The following RP1 variants were observed in gnomAD, a reference collection of about 807,000 sequenced individuals.
The protein encoded by RP1 is oxygen-regulated protein 1.
Under a neutral mutation model 14.8 loss-of-function variants are expected in RP1, and 16 were observed. That is an observed-to-expected ratio of 1.08 (90% CI 0.73 to 1.65). The LOEUF (loss-of-function observed/expected upper bound fraction) is 1.65. Among genes scored for constraint, RP1 ranks in the 40% most tolerant of loss-of-function variants. The pLI is 0.00. For synonymous variants in RP1, 876 were observed against 883.6 expected, an observed-to-expected ratio of 0.99 and a Z score of 0.15; for missense variants, 2,631 against 2,535.0, an observed-to-expected ratio of 1.04 and a Z score of -0.81.
chr8:54,569,099 A>G lies in RP1; in HGVS notation c.-13+9779A>G, dbSNP rs149826890. Among the ~76,000 whole-genome samples the G allele has an allele frequency of 3.1e-3, 468 of 152,364 alleles. 4 individuals carry two copies. Among genetic ancestry groups the G allele is most frequent in the Middle Eastern group, 0.01 (3 of 294 alleles). ...TAATGCAAAAAAGAGCAGAAGAAAA[A>G]TGCCCAAAGTTACGTTCCCAGGAGA... On this transcript the variant is annotated intron_variant, in intron 1 of 22. Coordinates refer to the RP1 transcript ENST00000636932.
At chr8:54,725,283 A>G (rs1402093179) in intron 16 of RP1, among the ~76,000 whole-genome samples, 4 of 152,072 alleles carry the variant, frequency 2.6e-5, no homozygotes, top group Admixed American at 2.0e-4. Flanking sequence ...AGTTATTTCT[A>G]TCTTCTTTTT....
rs398124220 is a variant in RP1 at position 54,628,901 on chromosome 8, T to G, written c.5019T>G (p.Tyr1673Ter). Residue 1673 changes from tyrosine (Y) to a stop codon, truncating the protein, a stop_gained, in exon 4 of 4, where the codon TAT becomes TAG. Coordinates refer to ENST00000220676, the MANE Select transcript of RP1 (RefSeq NM_006269.2). LOFTEE classifies it low-confidence loss of function (END_TRUNC). ...EFQCSRKASL[Y>*]DSEGQSFGSS... Reference sequence around the variant, plus strand: ...AGTGTTCCAGGAAAGCAAGTCTTTATGATTCTGAAGGGCAGTCATTTGGCT... The same window carrying G: ...AGTGTTCCAGGAAAGCAAGTCTTTAGGATTCTGAAGGGCAGTCATTTGGCT... The G allele has an allele frequency of 6.2e-7, 1 of 1,614,146 alleles. No homozygotes were observed. Among genetic ancestry groups the G allele is most frequent in the Non-Finnish European group, 8.5e-7 (1 of 1,179,982 alleles).
exon 25 of RP1, chr8:54,837,608 A>G: frequency 8.1e-7 from 1 of 1,232,086 alleles, no homozygotes; most frequent in East Asian, 3.2e-5. Context: ...CTGAGAATGA[A>G]AATGATGGCG....
At chr8:54,707,532 T>C (rs559088953) in intron 15 of RP1, among the ~76,000 whole-genome samples, 2 of 152,348 alleles carry the variant, frequency 1.3e-5, no homozygotes, top group East Asian at 3.9e-4. Context: ...CAAGTAAGAT[T>C]GCACATTTAA....
chr8:54,707,503 T>A (rs1395394469), intron 15 of RP1, among the ~76,000 whole-genome samples: 1 of 152,214 alleles, frequency 6.6e-6, no homozygotes, highest in Non-Finnish European at 1.5e-5. Flanking sequence ...TATTCATAAT[T>A]CTTCTGTGGG....
chr8:54,848,333 T>C (rs1393473331), intron 25 of RP1, among the ~76,000 whole-genome samples: 1 of 152,190 alleles, frequency 6.6e-6, no homozygotes, highest in Non-Finnish European at 1.5e-5. Flanking sequence ...ATCCTGTTCT[T>C]CCTGGGGCCT....
chr8:54,657,937 C>G (rs1806792297), intron 6 of RP1, among the ~76,000 whole-genome samples: 1 of 152,188 alleles, frequency 6.6e-6, no homozygotes, highest in South Asian at 2.1e-4. Context: ...AAACATTAAC[C>G]TTACTACCTT....
At chr8:54,713,934 G>A (rs138760013) in intron 15 of RP1, among the ~76,000 whole-genome samples, 1 of 152,162 alleles carries the variant, frequency 6.6e-6, no homozygotes, top group East Asian at 1.9e-4. Flanking sequence ...AAAATCTGAC[G>A]TAGGAAAATT....
intron 17 of RP1, among the ~76,000 whole-genome samples, chr8:54,728,867 T>G (rs958991290): frequency 2.0e-5 from 3 of 152,118 alleles, no homozygotes; most frequent in African/African-American, 7.2e-5. Flanking sequence ...TGAACCCCCA[T>G]GTACCCATCA....
intron 22 of RP1, among the ~76,000 whole-genome samples, chr8:54,759,771 A>G (rs755513583): frequency 6.6e-6 from 1 of 152,124 alleles, no homozygotes; most frequent in Non-Finnish European, 1.5e-5. Flanking sequence ...AATCATGTTT[A>G]TTGTTGCTTG....
intron 12 of RP1, among the ~76,000 whole-genome samples, chr8:54,698,504 A>T (rs1807929617): frequency 1.3e-5 from 2 of 152,206 alleles, no homozygotes; most frequent in Admixed American, 1.3e-4. Context: ...CTAGAACTAG[A>T]AATACCATTT....
chr8:54,634,205 C>A (rs994071051), downstream of RP1, among the ~76,000 whole-genome samples: 5 of 152,118 alleles, frequency 3.3e-5, no homozygotes, highest in Admixed American at 2.6e-4. Context: ...AAAGCAAAAT[C>A]ATGAATTCCA....
intron 7 of RP1, among the ~76,000 whole-genome samples, chr8:54,669,792 C>G (rs1312910881): frequency 6.6e-6 from 1 of 151,968 alleles, no homozygotes; most frequent in Non-Finnish European, 1.5e-5. Context: ...AAACCAAACA[C>G]CGCATGTTCT....
At chr8:54,649,015 G>T (rs1806603839) in exon 4 of RP1, 3 of 1,521,814 alleles carry the variant, frequency 2.0e-6, no homozygotes, top group African/African-American at 1.4e-5. Flanking sequence ...ATAATCACCA[G>T]TGACTTGCCA....
intron 1 of RP1, among the ~76,000 whole-genome samples, chr8:54,565,098 A>G (rs1477900782): frequency 1.3e-5 from 2 of 152,168 alleles, no homozygotes; most frequent in East Asian, 3.9e-4. Flanking sequence ...AGGTGTGAAC[A>G]GACAGGAGTG....
intron 18 of RP1, among the ~76,000 whole-genome samples, chr8:54,735,039 C>T (rs542094763): frequency 1.4e-4 from 21 of 152,064 alleles, no homozygotes; most frequent in South Asian, 2.1e-4. Flanking sequence ...AATTTATAAC[C>T]GGCTTATAAG....
At chr8:54,753,832 G>A (rs1453942644) in intron 19 of RP1, among the ~76,000 whole-genome samples, 1 of 152,170 alleles carries the variant, frequency 6.6e-6, no homozygotes, top group African/African-American at 2.4e-5. Flanking sequence ...AAGAGAGCAG[G>A]AACAGCAGAC....
chr8:54,698,904 G>A (rs1203547858), intron 12 of RP1, among the ~76,000 whole-genome samples: 2 of 152,102 alleles, frequency 1.3e-5, no homozygotes, highest in Non-Finnish European at 2.9e-5. Flanking sequence ...GGGGTCCTGG[G>A]GGAGGGATAG....
At chr8:54,632,069 C>T (rs1476294515), downstream of RP1, among the ~76,000 whole-genome samples, 7 of 151,926 alleles carry the variant, frequency 4.6e-5, no homozygotes, top group Admixed American at 2.6e-4. Flanking sequence ...CTTGAACTTC[C>T]GACCTCAGGT....
Sources: gnomAD v4.1 joint callset for allele counts (sites outside exome capture counted in the v4.1 genomes callset) on GRCh38, gnomAD v4.1.1 for gene constraint, MANE v1.5 for transcripts, NCBI Gene and HGNC (gene_info 2026-07-23, HGNC 2026-07-21) for gene names.